Variants in PHLPP1 observed in about 807,000 individuals in gnomAD.
PHLPP1 encodes the protein PH domain leucine-rich repeat-containing protein phosphatase 1.
PHLPP1 carries 42 observed loss-of-function variants against 117.2 expected under a neutral mutation model. The observed-to-expected ratio is 0.36, with a 90% CI of 0.28 to 0.46. The LOEUF (loss-of-function observed/expected upper bound fraction) is 0.46, where lower values mean the gene tolerates loss of function less well. PHLPP1 is among the 20% of genes least tolerant of loss of function. The pLI is 1.00. For missense variants in PHLPP1, 2,084 were observed against 2,241.9 expected, an observed-to-expected ratio of 0.93 and a Z score of 1.42; for synonymous variants, 1,042 against 970.7, an observed-to-expected ratio of 1.07 and a Z score of -1.37.
At chr18:62,894,276 A>G (rs1484881460) in intron 4 of PHLPP1, among the ~76,000 whole-genome samples, 1 of 152,078 alleles carries the variant, frequency 6.6e-6, no homozygotes, top group African/African-American at 2.4e-5. Flanking sequence ...GCTCACTGCA[A>G]CCTCCACCTC....
intron 12 of PHLPP1, 122 bp downstream of exon 12, chr18:62,945,393 G>A (rs1296267402): frequency 5.4e-6 from 4 of 743,086 alleles, no homozygotes; most frequent in Non-Finnish European, 8.3e-6. Flanking sequence ...GCCCCCATTA[G>A]CCCTTACTTC....
intron 3 of PHLPP1, among the ~76,000 whole-genome samples, chr18:62,850,015 A>G (rs117744101): frequency 2.5e-4 from 37 of 150,658 alleles, no homozygotes; most frequent in African/African-American, 8.0e-4. Flanking sequence ...AAAACAATCT[A>G]TAAACTCTGT....
At chr18:62,903,418 T>C (rs964752336) in intron 7 of PHLPP1, among the ~76,000 whole-genome samples, 2 of 152,040 alleles carry the variant, frequency 1.3e-5, no homozygotes, top group African/African-American at 4.8e-5. Flanking sequence ...TTGATTTTTC[T>C]GCTTAAAGGA....
intron 1 of PHLPP1, among the ~76,000 whole-genome samples, chr18:62,818,761 A>G (rs1210954644): frequency 6.6e-6 from 1 of 152,210 alleles, no homozygotes; most frequent in East Asian, 1.9e-4. Flanking sequence ...GTGCTGTTTT[A>G]GTAAAGATAA....
chr18:62,830,564 G>T (rs12963473), intron 2 of PHLPP1, among the ~76,000 whole-genome samples: 8,626 of 152,140 alleles, frequency 0.057, 338 homozygotes, highest in Middle Eastern at 0.088. Context: ...ATACTAACAG[G>T]TTTCCCACCA....
At chr18:62,729,874 G>A (rs1911180803) in intron 1 of PHLPP1, among the ~76,000 whole-genome samples, 1 of 152,202 alleles carries the variant, frequency 6.6e-6, no homozygotes, top group Admixed American at 6.5e-5. Context: ...TTGGTATTTA[G>A]TAAACATTTC....
At chr18:62,933,869 A>G (rs1036001285) in intron 10 of PHLPP1, among the ~76,000 whole-genome samples, 6 of 152,136 alleles carry the variant, frequency 3.9e-5, no homozygotes, top group Admixed American at 2.6e-4. Flanking sequence ...ACAAATATCT[A>G]TAAGAAACTT....
At chr18:62,736,551 A>T (rs1463734474) in intron 1 of PHLPP1, among the ~76,000 whole-genome samples, 1 of 152,176 alleles carries the variant, frequency 6.6e-6, no homozygotes, top group Non-Finnish European at 1.5e-5. Context: ...GAAGCAACAG[A>T]TTGTGTAGCG....
rs1339393606 is a variant in PHLPP1, at chr18:62,774,329, C to G, written c.1577-55706C>G. Among the ~76,000 whole-genome samples the G allele has an allele frequency of 1.9e-4, 29 of 152,146 alleles. 1 individual carries two copies. The highest frequency in any genetic ancestry group is 1.8e-3 in the Admixed American group (27 of 15,280). ...ACACGTAGCATGGCATGGGGAAGTG[C>G]AAGGAGACTGAAGTCAGATCAGCTT... On this transcript the variant is annotated intron_variant, in intron 1 of 16. Coordinates refer to ENST00000262719, the MANE Select transcript of PHLPP1 (RefSeq NM_194449.4).
At position 62,915,633 on chromosome 18, in the gene PHLPP1, A is replaced by C. The variant is rs991495843; in HGVS notation, c.2804+625A>C. ...TCTGTAAATACAGACAGATATTTTCAAGTTGACTAATCATGGTCCAAAATA... is the reference window on the plus strand; with the variant it reads ...TCTGTAAATACAGACAGATATTTTCCAGTTGACTAATCATGGTCCAAAATA... On this transcript the variant is annotated intron_variant, in intron 9 of 16. Coordinates refer to ENST00000262719, the MANE Select transcript of PHLPP1 (RefSeq NM_194449.4). Among the ~76,000 whole-genome samples the C allele has an allele frequency of 1.3e-5, 2 of 152,216 alleles. 1 individual carries two copies. Among genetic ancestry groups the C allele is most frequent in the Non-Finnish European group, 2.9e-5 (2 of 68,040 alleles).
At chr18:62,800,377 G>A (rs991510640) in intron 1 of PHLPP1, among the ~76,000 whole-genome samples, 10 of 152,192 alleles carry the variant, frequency 6.6e-5, no homozygotes, top group East Asian at 1.9e-4. Flanking sequence ...TGGGTCAACT[G>A]TATAGTTTTT....
In PHLPP1 at chr18:62,895,131, C is replaced by T. The variant is rs371678653; in HGVS notation, c.2187C>T (p.Val729=). 6.0e-5 allele frequency: 97 copies of T among 1,613,782 alleles called. No homozygotes were observed. Among genetic ancestry groups the T allele is most frequent in the Non-Finnish European group, 7.5e-5 (89 of 1,179,896 alleles). The change falls in exon 5 of 17, where the codon GTC becomes GTT. Residue 729 remains valine (V), a synonymous_variant. Transcript: ENST00000262719. ...LNVSCNALRS[V]PAAVGVMHNL... is the part of the protein sequence containing the mutation. Reference sequence around the variant, plus strand: ...TGTCCTGCAATGCCCTGCGATCAGTCCCGGCAGCCGTTGGAGTGATGCACA... The same window carrying T: ...TGTCCTGCAATGCCCTGCGATCAGTTCCGGCAGCCGTTGGAGTGATGCACA...
rs546280389 is a variant in PHLPP1, at chr18:62,730,523, T to TA, written c.1576+13271dup. 9.2e-5 allele frequency among the ~76,000 whole-genome samples: 14 copies of TA among 152,184 alleles called. No individual in the cohort carries two copies. The East Asian group carries it at 2.5e-3, about 27-fold the overall frequency. ...AGAGAGAGAAAAAAAAAGGTGATTT[T>TA]AAAAAAATCTGTTTTCGGCCAGGTG... On this transcript the variant is annotated intron_variant, in intron 1 of 16. Transcript: ENST00000262719.
At position 62,979,161 on chromosome 18, in the gene PHLPP1, G is replaced by T; in HGVS notation, c.4884G>T (p.Ala1628=). The change falls in exon 17 of 17, where the codon GCG becomes GCT. Residue 1628 remains alanine, a synonymous_variant. Coordinates refer to ENST00000262719, the MANE Select transcript of PHLPP1 (RefSeq NM_194449.4). The stretch of plus-strand genomic sequence containing the variant: ...GCCGGAGGGCCAATGGCTCTGTTGC[G>T]CCCCAGGAAAGGAGCCACAATGTGA... ...IGRRRANGSV[A]PQERSHNVIE... 1 of 1,613,814 alleles carries T rather than the reference G, an allele frequency of 6.2e-7. No homozygotes were observed. Among genetic ancestry groups the T allele is most frequent in the Middle Eastern group, 1.6e-4 (1 of 6,062 alleles).
chr18:62,882,838 T>A (rs755837233), intron 4 of PHLPP1, among the ~76,000 whole-genome samples: 35 of 151,958 alleles, frequency 2.3e-4, no homozygotes, highest in Non-Finnish European at 4.9e-4. Flanking sequence ...AGCTTTCTCT[T>A]TTTGTTCTCC....
In PHLPP1 at chr18:62,717,104, A is replaced by G; in HGVS notation, c.1421A>G (p.Gln474Arg). Residue 474 changes from glutamine (Q) to arginine (R), a missense_variant, in exon 1 of 17, where the codon CAG becomes CGG. Physicochemically the swap from Gln to Arg is conservative, Grantham distance 43. Around this residue, in one of 2 missense-constraint regions of PHLPP1, gnomAD observed 1,365 missense variants for 1,605.9 expected, o/e 0.85. Transcript: ENST00000262719. ...CCCCCGCCGCCCACCCTGTACGTGC[A>G]GCTCCACGGAGAGACCACCCGGCGC... ...PPPPPPTLYV[Q>R]LHGETTRRLE... is the part of the protein sequence containing the mutation. The G allele has an allele frequency of 4.1e-6, 6 of 1,446,134 alleles. No homozygotes were observed. Among genetic ancestry groups the G allele is most frequent in the Non-Finnish European group, 5.6e-6 (6 of 1,065,730 alleles). The allele number at this position is 1,446,134 out of a possible 1,614,324, so 89.6% of individuals were successfully genotyped here. A position where few individuals can be genotyped will look rare whatever the true frequency, so the allele number is the denominator to read the frequency against.
intron 9 of PHLPP1, among the ~76,000 whole-genome samples, chr18:62,916,880 A>G (rs749025151): frequency 5.9e-4 from 88 of 148,196 alleles, no homozygotes; most frequent in Admixed American, 1.6e-3. Flanking sequence ...CAGCCTCCCG[A>G]GTAGCTGGGA....
At chr18:62,897,133 A>C (rs1916583704) in intron 6 of PHLPP1, among the ~76,000 whole-genome samples, 1 of 152,208 alleles carries the variant, frequency 6.6e-6, no homozygotes. Context: ...GAACTTCATT[A>C]GAGCCAAGGA....
intron 10 of PHLPP1, among the ~76,000 whole-genome samples, chr18:62,938,559 T>C (rs938942575): frequency 6.6e-6 from 1 of 152,242 alleles, no homozygotes; most frequent in Admixed American, 6.5e-5. Context: ...TTGTTTGCTC[T>C]TTGACTATTA....
Sources: gnomAD v4.1 joint callset for allele counts (sites outside exome capture counted in the v4.1 genomes callset) on GRCh38, gnomAD v4.1.1 for gene constraint, gnomAD v4.1.1 regional missense constraint, MANE v1.5 for transcripts, NCBI Gene and HGNC (gene_info 2026-07-23, HGNC 2026-07-21) for gene names.